Variants in MTTP observed in about 807,000 individuals in gnomAD.
MTTP encodes microsomal triglyceride transfer protein.
MTTP carries 49 observed loss-of-function variants against 90.6 expected under a neutral mutation model. That is an observed-to-expected ratio of 0.54 (90% CI 0.43 to 0.69). The LOEUF (loss-of-function observed/expected upper bound fraction) is 0.69, where lower values mean the gene tolerates loss of function less well. Ranked by LOEUF, MTTP falls within the 30% of genes least tolerant of loss-of-function variation. The pLI, the probability that MTTP is intolerant of heterozygous loss-of-function variation, is 0.00. For missense variants in MTTP, 945 were observed against 1,067.5 expected, an observed-to-expected ratio of 0.89 and a Z score of 1.60; for synonymous variants, 347 against 384.2, an observed-to-expected ratio of 0.90 and a Z score of 1.13.
chr4:99,604,747 T>C (rs1725773171), intron 10 of MTTP, among the ~76,000 whole-genome samples: 1 of 152,148 alleles, frequency 6.6e-6, no homozygotes, highest in African/African-American at 2.4e-5. Flanking sequence ...GGGTTATTTT[T>C]TCCCTCATTT....
chr4:99,594,641 T>C (rs1353813513), intron 6 of MTTP, 92 bp from the exon 7 acceptor site: 1 of 1,459,622 alleles, frequency 6.9e-7, no homozygotes, highest in African/African-American at 1.4e-5. Context: ...CTTGAATAAA[T>C]TACTATCTTG....
chr4:99,589,585 A>C lies in MTTP; in HGVS notation c.394-58A>C, dbSNP rs1725362557. On this transcript the variant is annotated intron_variant, in intron 3 of 17. Transcript: ENST00000265517. Reference sequence around the variant, plus strand: ...TCTGACCTTGCCTGACACTTATTTAAATCTGATAAATGATGCATTTTTGCT... The same window carrying C: ...TCTGACCTTGCCTGACACTTATTTACATCTGATAAATGATGCATTTTTGCT... 16 of 985,664 alleles carry C rather than the reference A, an allele frequency of 1.6e-5. No individual in the cohort carries two copies. In the South Asian group the frequency reaches 1.9e-4, roughly 12 times the overall value. The allele number at this position is 985,664 out of a possible 1,614,324, so 61.1% of individuals were successfully genotyped here. A position where few individuals can be genotyped will look rare whatever the true frequency, so the allele number is the denominator to read the frequency against.
intron 4 of MTTP, 89 bp from the exon 5 acceptor site, chr4:99,591,146 T>TA: frequency 1.1e-6 from 1 of 943,704 alleles, no homozygotes; most frequent in Admixed American, 1.7e-5. Context: ...TATGGCCTAT[T>TA]AGAGACCTCA....
intron 16 of MTTP, among the ~76,000 whole-genome samples, chr4:99,619,641 A>G (rs1409012398): frequency 2.0e-5 from 3 of 152,186 alleles, no homozygotes; most frequent in African/African-American, 7.2e-5. Context: ...GTGAAGATGA[A>G]AATTATTAGC....
intron 1 of MTTP, among the ~76,000 whole-genome samples, chr4:99,567,431 A>T (rs923168124): frequency 3.9e-5 from 6 of 152,208 alleles, no homozygotes; most frequent in Admixed American, 3.3e-4. Context: ...AAGACAACAG[A>T]TCATCTGAAG....
chr4:99,570,821 G>C (rs1269305611), upstream of MTTP: 2 of 454,808 alleles, frequency 4.4e-6, no homozygotes, highest in Non-Finnish European at 8.8e-6. Flanking sequence ...TGCAGGAAGG[G>C]ACCACGAGTC....
In MTTP at chr4:99,594,973, C is replaced by T. The variant is rs578003631; in HGVS notation, c.909+90C>T. ...AAAGCATCAACTCATTCAATGAAGA[C>T]AGTTTCTAAAGAACTACCAGCTACC... On this transcript the variant is annotated intron_variant, in intron 7 of 17. Transcript: ENST00000265517. 326 of 1,504,228 alleles carry T rather than the reference C, an allele frequency of 2.2e-4. 2 individuals are homozygous for T. The highest frequency in any genetic ancestry group is 9.7e-4 in the South Asian group (85 of 87,274). 93.2% of individuals were successfully genotyped at this position (1,504,228 alleles called of 1,614,324 possible). A position where few individuals can be genotyped will look rare whatever the true frequency, so the allele number is the denominator to read the frequency against.
chr4:99,599,158 G>A (rs1429828865), intron 8 of MTTP, among the ~76,000 whole-genome samples: 1 of 152,200 alleles, frequency 6.6e-6, no homozygotes, highest in Admixed American at 6.5e-5. Context: ...GATTCTGTGA[G>A]CAACTGAGTT....
intron 15 of MTTP, among the ~76,000 whole-genome samples, chr4:99,616,260 G>T (rs954411544): frequency 2.0e-5 from 3 of 152,144 alleles, no homozygotes; most frequent in Non-Finnish European, 4.4e-5. Flanking sequence ...TGGGCATAGT[G>T]GGGTATGCCT....
chr4:99,581,883 A>G (rs369499624), intron 1 of MTTP, 22 bp from the exon 2 acceptor site: 3 of 1,612,822 alleles, frequency 1.9e-6, no homozygotes, highest in Non-Finnish European at 2.5e-6. Context: ...AAAACTGGAT[A>G]TGTGTCATTA....
chr4:99,598,541 A>G (rs1725612951), intron 8 of MTTP, among the ~76,000 whole-genome samples: 1 of 152,140 alleles, frequency 6.6e-6, no homozygotes, highest in Non-Finnish European at 1.5e-5. Context: ...GAACCATATA[A>G]CATGCAACAC....
At chr4:99,576,626 C>T (rs1367785090) in intron 1 of MTTP, among the ~76,000 whole-genome samples, 2 of 127,992 alleles carry the variant, frequency 1.6e-5, no homozygotes, top group South Asian at 5.2e-4. Flanking sequence ...ACCCGGGAGG[C>T]GGAGCTTGCA....
chr4:99,566,188 C>G (rs1315283361), intron 1 of MTTP, among the ~76,000 whole-genome samples: 6 of 150,460 alleles, frequency 4.0e-5, no homozygotes, highest in African/African-American at 1.5e-4. Flanking sequence ...ACTCCGGAGG[C>G]TGAGGCAGGA....
At chr4:99,570,814 A>G, upstream of MTTP, 1 of 455,412 alleles carries the variant, frequency 2.2e-6, no homozygotes, top group Non-Finnish European at 4.4e-6. Flanking sequence ...TTGTAAATGC[A>G]GGAAGGGACC....
In MTTP at chr4:99,602,246, A is replaced by G. The variant is rs556816496; in HGVS notation, c.1344+532A>G. ...AACTTTATATTTTATTTTCAATTTC[A>G]TTTGCCTAAAGCTTTTCCACTTGCC... On this transcript the variant is annotated intron_variant, in intron 10 of 17. Coordinates refer to ENST00000265517, the MANE Select transcript of MTTP (RefSeq NM_001386140.1). Among the ~76,000 whole-genome samples the G allele has an allele frequency of 6.6e-5, 10 of 152,172 alleles. No individual in the cohort carries two copies. The East Asian group carries it at 1.7e-3, about 26-fold the overall frequency.
chr4:99,601,401 A>G (rs1407784849), intron 9 of MTTP, among the ~76,000 whole-genome samples: 1 of 142,694 alleles, frequency 7.0e-6, no homozygotes, highest in Non-Finnish European at 1.6e-5. Context: ...CCTGTACCAC[A>G]GGTTAAAAAT....
At chr4:99,615,633 G>A (rs1726079956) in intron 15 of MTTP, among the ~76,000 whole-genome samples, 1 of 152,210 alleles carries the variant, frequency 6.6e-6, no homozygotes, top group African/African-American at 2.4e-5. Flanking sequence ...TGACACTGAA[G>A]GAAATGTTGG....
chr4:99,572,600 C>A (rs1311994545), upstream of MTTP, among the ~76,000 whole-genome samples: 1 of 151,944 alleles, frequency 6.6e-6, no homozygotes, highest in Non-Finnish European at 1.5e-5. Flanking sequence ...AGGTGATTAA[C>A]AAAGTATGTA....
At chr4:99,590,580 G>A (rs1725390409) in intron 4 of MTTP, among the ~76,000 whole-genome samples, 1 of 152,128 alleles carries the variant, frequency 6.6e-6, no homozygotes, top group Non-Finnish European at 1.5e-5. Flanking sequence ...CAGCCCATGA[G>A]TGGGTGAAAA....
Sources: allele counts gnomAD v4.1 joint callset (sites outside exome capture counted in the v4.1 genomes callset), GRCh38; gene constraint gnomAD v4.1.1; transcripts MANE v1.5; gene names NCBI Gene and HGNC (gene_info 2026-07-23, HGNC 2026-07-21).